POU6F2: variants seen among roughly 807,000 people sequenced by gnomAD.
POU6F2 encodes POU domain, class 6, transcription factor 2.
POU6F2 carries 31 observed loss-of-function variants against 71.3 expected under a neutral mutation model. That is an observed-to-expected ratio of 0.43 (90% CI 0.33 to 0.59). The LOEUF (loss-of-function observed/expected upper bound fraction) is 0.59. POU6F2 is among the 20% of genes least tolerant of loss of function. The pLI, the probability that POU6F2 is intolerant of heterozygous loss-of-function variation, is 0.04. For missense variants in POU6F2, 783 were observed against 856.8 expected (o/e 0.91, Z 1.07); for synonymous variants, 347 against 355.7 (o/e 0.98, Z 0.27).
intron 4 of POU6F2, among the ~76,000 whole-genome samples, chr7:39,295,477 G>A (rs373936222): frequency 3.9e-5 from 6 of 152,182 alleles, no homozygotes; most frequent in African/African-American, 9.7e-5. Context: ...TTAGCCTGGC[G>A]TGATGGCACA....
At chr7:39,009,713 T>C (rs1789206527) in intron 1 of POU6F2, among the ~76,000 whole-genome samples, 1 of 152,042 alleles carries the variant, frequency 6.6e-6, no homozygotes, top group Non-Finnish European at 1.5e-5. Flanking sequence ...ACCTAATTTA[T>C]TGAGAGTTTT....
At chr7:39,072,085 C>T (rs1362602735) in intron 1 of POU6F2, among the ~76,000 whole-genome samples, 1 of 152,092 alleles carries the variant, frequency 6.6e-6, no homozygotes, top group Non-Finnish European at 1.5e-5. Flanking sequence ...TACATGGGCC[C>T]TTGTAGTTGA....
chr7:39,168,676 G>T (rs1793160230), intron 2 of POU6F2, among the ~76,000 whole-genome samples: 1 of 152,214 alleles, frequency 6.6e-6, no homozygotes, highest in Non-Finnish European at 1.5e-5. Context: ...GGTGCAAATT[G>T]TGCCAGTATA....
intron 5 of POU6F2, among the ~76,000 whole-genome samples, chr7:39,376,382 G>A (rs920320767): frequency 1.3e-5 from 2 of 152,164 alleles, no homozygotes; most frequent in Admixed American, 1.3e-4. Context: ...GGAGGAGTGA[G>A]TAGTCAGGAG....
Position 39,433,209 on chromosome 7 carries a change from G to A in POU6F2, c.1246G>A (p.Val416Ile). The change falls in exon 7 of 10, where the codon GTC (valine) becomes ATC (isoleucine). Residue 416 changes from valine to isoleucine, a missense_variant. Transcript: ENST00000518318. ...CGCCCAGGGCCAGATCATCGCCACAGTCATTGGGAACCAGATCCTGCCCGT... is the reference window on the plus strand; with the variant it reads ...CGCCCAGGGCCAGATCATCGCCACAATCATTGGGAACCAGATCCTGCCCGT... ...TNAQGQIIATVIGNQILPVIN... is the reference protein window; with the variant it reads ...TNAQGQIIATIIGNQILPVIN... The A allele has an allele frequency of 6.2e-7, 1 of 1,613,456 alleles. No individual in the cohort carries two copies. The highest frequency in any genetic ancestry group is 1.7e-5 in the Admixed American group (1 of 59,978).
chr7:39,280,046 A>C (rs1338542533), intron 4 of POU6F2, among the ~76,000 whole-genome samples: 1 of 152,070 alleles, frequency 6.6e-6, no homozygotes, highest in Non-Finnish European at 1.5e-5. Context: ...TGCCCAGCCC[A>C]AATTTTCCCT....
intron 2 of POU6F2, among the ~76,000 whole-genome samples, chr7:39,164,296 T>C (rs1330878526): frequency 6.6e-6 from 1 of 150,702 alleles, no homozygotes; most frequent in African/African-American, 2.4e-5. Flanking sequence ...TTTTCCTTCC[T>C]ACATCCATGC....
At chr7:39,336,369 T>C (rs1202843745) in intron 4 of POU6F2, among the ~76,000 whole-genome samples, 1 of 152,086 alleles carries the variant, frequency 6.6e-6, no homozygotes, top group Non-Finnish European at 1.5e-5. Flanking sequence ...TGGACTCACT[T>C]ATTCTGGACA....
chr7:39,334,935 C>G (rs961736731), intron 4 of POU6F2, among the ~76,000 whole-genome samples: 1 of 152,154 alleles, frequency 6.6e-6, no homozygotes, highest in African/African-American at 2.4e-5. Context: ...AGTTGCTTCC[C>G]CCAGTTAGGG....
chr7:39,027,177 A>G (rs1789827602), intron 1 of POU6F2, among the ~76,000 whole-genome samples: 1 of 152,136 alleles, frequency 6.6e-6, no homozygotes, highest in Non-Finnish European at 1.5e-5. Flanking sequence ...TGTTTTGAGC[A>G]ATCTGAATGA....
At chr7:39,266,559 C>T (rs931098672) in intron 4 of POU6F2, among the ~76,000 whole-genome samples, 2 of 151,994 alleles carry the variant, frequency 1.3e-5, no homozygotes, top group Non-Finnish European at 2.9e-5. Context: ...GGAATGGGGA[C>T]TTGCTATGTT....
chr7:38,996,496 T>C (rs1361135798), intron 1 of POU6F2, among the ~76,000 whole-genome samples: 3 of 152,156 alleles, frequency 2.0e-5, no homozygotes, highest in African/African-American at 7.2e-5. Context: ...CCCATCAGCT[T>C]TAGTAACTCC....
intron 4 of POU6F2, among the ~76,000 whole-genome samples, chr7:39,257,492 G>A (rs1784048118): frequency 6.6e-6 from 1 of 152,006 alleles, no homozygotes; most frequent in African/African-American, 2.4e-5. Context: ...TTGTTATCTA[G>A]AAACAAAAGC....
At chr7:39,092,837 AAAG>A (rs1274330238) in intron 2 of POU6F2, among the ~76,000 whole-genome samples, 4 of 152,210 alleles carry the variant, frequency 2.6e-5, no homozygotes, top group Non-Finnish European at 5.9e-5. Context: ...CAGAGGTCAG[AAAG>A]AATAACATTA....
rs1227920789 is a variant in POU6F2, at chr7:39,464,436, A to T, written c.1913A>T (p.Lys638Met). ...FIGSEPSKKR[K>M]RRTSFTPQAL... is the part of the protein sequence containing the mutation. The stretch of plus-strand genomic sequence containing the variant: ...GGGAGTGAACCATCCAAAAAGCGCA[A>T]GCGGCGCACCTCCTTCACACCCCAG... Residue 638 changes from lysine (K) to methionine (M), a missense_variant, in exon 10 of 10, where the codon AAG becomes ATG. By Grantham distance (95) the Lys-to-Met change is moderately conservative. Transcript: ENST00000518318. This position sits in a 1 kb window ranked among gnomAD's most constrained non-coding sequence, Gnocchi z 4.1. 6.2e-7 allele frequency: 1 copy of T among 1,614,036 alleles called. No homozygotes were observed. Among genetic ancestry groups the T allele is most frequent in the South Asian group, 1.1e-5 (1 of 91,080 alleles).
At chr7:39,210,724 G>T (rs1326168162) in intron 4 of POU6F2, among the ~76,000 whole-genome samples, 1 of 152,048 alleles carries the variant, frequency 6.6e-6, no homozygotes, top group Non-Finnish European at 1.5e-5. Flanking sequence ...GGAAATACAG[G>T]ATCTCAGGCT....
intron 1 of POU6F2, among the ~76,000 whole-genome samples, chr7:39,001,742 G>A (rs1788916906): frequency 6.6e-6 from 1 of 152,028 alleles, no homozygotes; most frequent in Non-Finnish European, 1.5e-5. Context: ...TAATGGTGAT[G>A]GTGATGTTGG....
At position 39,015,923 on chromosome 7, in the gene POU6F2, A is replaced by T. The variant is rs1336105714; in HGVS notation, c.105+37865A>T. Among the ~76,000 whole-genome samples, 114 of 37,878 alleles carry T rather than the reference A, an allele frequency of 3.0e-3. 2 individuals carry two copies. Among genetic ancestry groups the T allele is most frequent in the African/African-American group, 5.9e-3 (66 of 11,254 alleles). 24.8% of individuals were successfully genotyped at this position (37,878 alleles called of 152,430 possible). A position where few individuals can be genotyped will look rare whatever the true frequency, so the allele number is the denominator to read the frequency against. ...TAGATATATATTATATATTATATAT[A>T]GATATATATAATATATAGATATATA... On this transcript the variant is annotated intron_variant, in intron 1 of 9. Coordinates refer to ENST00000518318, the MANE Select transcript of POU6F2 (RefSeq NM_001370959.1).
intron 2 of POU6F2, among the ~76,000 whole-genome samples, chr7:39,195,524 C>G (rs538195446): frequency 6.6e-6 from 1 of 152,188 alleles, no homozygotes; most frequent in South Asian, 2.1e-4. Flanking sequence ...GTCATTCTCA[C>G]GATAATTTTG....
Sources: gnomAD v4.1 joint callset for allele counts (sites outside exome capture counted in the v4.1 genomes callset) on GRCh38, gnomAD v4.1.1 for gene constraint, Gnocchi (gnomAD v3.1) non-coding constraint, MANE v1.5 for transcripts, NCBI Gene and HGNC (gene_info 2026-07-23, HGNC 2026-07-21) for gene names.